MYH6: variants seen among roughly 807,000 people sequenced by gnomAD.
The protein encoded by MYH6 is myosin-6.
In MYH6, 126 loss-of-function variants were observed where a neutral mutation model predicts 223.2. The observed-to-expected ratio is 0.56, with a 90% CI of 0.49 to 0.65. MYH6 has a LOEUF of 0.65. Among genes scored for constraint, MYH6 ranks in the 30% least tolerant of loss-of-function variants. The probability of loss-of-function intolerance (pLI) is 0.00; values close to 1 mark genes in which losing one functional copy is unlikely to be tolerated. For synonymous variants in MYH6, 978 were observed against 1,010.2 expected (o/e 0.97, Z 0.61); for missense variants, 2,040 against 2,536.4 (o/e 0.80, Z 4.20).
At chr14:23,388,826 G>C (rs941847378) in intron 29 of MYH6, 33 bp downstream of exon 29, 5 of 1,613,776 alleles carry the variant, frequency 3.1e-6, no homozygotes, top group Non-Finnish European at 4.2e-6. Flanking sequence ...CTTCCTCTCT[G>C]AGAGTCAGGT....
intron 18 of MYH6, 39 bp downstream of exon 18, chr14:23,396,924 C>G: frequency 1.2e-6 from 2 of 1,612,458 alleles, no homozygotes; most frequent in Admixed American, 1.7e-5. Context: ...CAGCCTGGCT[C>G]CCCCTGTTCT....
chr14:23,405,527 C>G lies in MYH6; in HGVS notation c.345+100G>C. 1 of 1,598,760 alleles carries G rather than the reference C, an allele frequency of 6.3e-7. No homozygotes were observed. Among genetic ancestry groups the G allele is most frequent in the South Asian group, 1.1e-5 (1 of 90,124 alleles). On this transcript the variant is annotated intron_variant, in intron 4 of 38. Transcript: ENST00000405093. This position sits in a 1 kb window ranked among gnomAD's most constrained non-coding sequence, Gnocchi z 4.7. The stretch of plus-strand genomic sequence containing the variant: ...GTGGAGGGGGGAAGGGGACTTGGGT[C>G]CCTTGGGAGTCTCTCCCCCTCTTCT...
rs774419384 is a variant in MYH6 at position 23,396,976 on chromosome 14, C to T, written c.2155G>A (p.Asp719Asn). The change falls in exon 18 of 39, where the codon GAC becomes AAC. Residue 719 changes from aspartate to asparagine, a missense_variant. Asp to Asn is a conservative substitution (Grantham distance 23). Coordinates refer to ENST00000405093, the MANE Select transcript of MYH6 (RefSeq NM_002471.4). ...KGFPNRILYG[D>N]FRQRYRILNP... The stretch of plus-strand genomic sequence containing the variant: ...CCTCATACCCACCTCTGCCGGAAGT[C>T]CCCGTAGAGGATGCGGTTGGGGAAG... 5 of 1,613,044 alleles carry T rather than the reference C, an allele frequency of 3.1e-6. No individual in the cohort carries two copies. The highest frequency in any genetic ancestry group is 1.3e-5 in the African/African-American group (1 of 75,020).
intron 25 of MYH6, 30 bp from the exon 26 acceptor site, chr14:23,390,476 C>T: frequency 6.2e-7 from 1 of 1,607,732 alleles, no homozygotes. Flanking sequence ...CTCAGACCCA[C>T]CGCCTGGACC....
rs1595056756 is a variant in MYH6 at position 23,394,106 on chromosome 14, G to A, written c.2647C>T (p.Leu883=). Residue 883 remains leucine (L), a synonymous_variant, in exon 21 of 39, where the codon CTG becomes TTG. Coordinates refer to ENST00000405093, the MANE Select transcript of MYH6 (RefSeq NM_002471.4). ...AGCTGCAGGTCATTCTTCTCCTGCA[G>A]CAGGGACACCATCTTCTCCTCCAGC... ...KELEEKMVSL[L]QEKNDLQLQV... The A allele has an allele frequency of 6.2e-7, 1 of 1,614,202 alleles. No homozygotes were observed. The highest frequency in any genetic ancestry group is 1.7e-5 in the Admixed American group (1 of 60,020).
At position 23,403,740 on chromosome 14, in the gene MYH6, C is replaced by T; in HGVS notation, c.774G>A (p.Lys258=). ...AGGTCTCTATGTCTGCAGAAGCCAG[C>T]TTTCCAGTGGCCCCAAAGTGGATCC... ...FIRIHFGATG[K]LASADIETYL... The change falls in exon 9 of 39, where the codon AAG becomes AAA. Residue 258 remains lysine, a synonymous_variant. Coordinates refer to ENST00000405093, the MANE Select transcript of MYH6 (RefSeq NM_002471.4). 1.2e-6 allele frequency: 2 copies of T among 1,613,110 alleles called. No individual in the cohort carries two copies. Among genetic ancestry groups the T allele is most frequent in the Non-Finnish European group, 1.7e-6 (2 of 1,179,544 alleles).
Position 23,407,538 on chromosome 14 carries a change from GC to G in MYH6, c.-14+37del. The G allele has an allele frequency of 7.8e-7, 1 of 1,281,968 alleles. No individual in the cohort carries two copies. Among genetic ancestry groups the G allele is most frequent in the Non-Finnish European group, 1.0e-6 (1 of 1,002,734 alleles). 79.4% of individuals were successfully genotyped at this position (1,281,968 alleles called of 1,614,324 possible). ...GCAATCCGGCTCCCAGGAGAAGCATGCCCCAGTCTCTGCAGAGAAAATGGGG... is the reference window on the plus strand; with the variant it reads ...GCAATCCGGCTCCCAGGAGAAGCATGCCCAGTCTCTGCAGAGAAAATGGGG... On this transcript the variant is annotated intron_variant, in intron 2 of 38. Transcript: ENST00000405093. The surrounding 1 kb of genome is among the most constrained non-coding windows in gnomAD (Gnocchi z 5.6).
At chr14:23,389,816 AG>A in intron 26 of MYH6, 97 bp from the exon 27 acceptor site, 1 of 1,596,538 alleles carries the variant, frequency 6.3e-7, no homozygotes, top group South Asian at 1.1e-5. Context: ...AGAGGGCAGG[AG>A]GGGGACACAG....
At position 23,405,152 on chromosome 14, in the gene MYH6, A is replaced by C. The variant is rs760840516; in HGVS notation, c.503-25T>G. ...TCTGGAAGAAAAAAGAGGAGAAGCA[A>C]TGGGGTCAGGGCTGAGGATCTGGGT... On this transcript the variant is annotated intron_variant, in intron 5 of 38. Coordinates refer to ENST00000405093, the MANE Select transcript of MYH6 (RefSeq NM_002471.4). The surrounding 1 kb of genome is among the most constrained non-coding windows in gnomAD (Gnocchi z 4.7). The C allele has an allele frequency of 1.9e-6, 3 of 1,613,998 alleles. No homozygotes were observed. The South Asian group carries it at 3.3e-5, about 18-fold the overall frequency.
chr14:23,402,323 C>T (rs931356705), intron 12 of MYH6, 141 bp downstream of exon 12: 56 of 1,305,538 alleles, frequency 4.3e-5, no homozygotes, highest in African/African-American at 3.2e-4. Flanking sequence ...TGTCTGCCCA[C>T]GTCTCCCACG....
At chr14:23,392,745 A>C (rs1595055573) in intron 24 of MYH6, 93 bp from the exon 25 acceptor site, 7 of 1,445,454 alleles carry the variant, frequency 4.8e-6, no homozygotes, top group Non-Finnish European at 6.8e-6. Flanking sequence ...CAGAATCGGC[A>C]CCTCCCCCTC....
chr14:23,401,343 G>C (rs1213821148), intron 12 of MYH6, among the ~76,000 whole-genome samples: 1 of 152,212 alleles, frequency 6.6e-6, no homozygotes, highest in Non-Finnish European at 1.5e-5. Flanking sequence ...CTCCTTCCCT[G>C]TCCTGGGGCC....
chr14:23,395,749 T>G (rs1891372524), intron 20 of MYH6, among the ~76,000 whole-genome samples: 1 of 152,026 alleles, frequency 6.6e-6, no homozygotes, highest in Admixed American at 6.6e-5. Context: ...AGGATGGTTT[T>G]GATCTCCTGA....
rs74039316 is a variant in MYH6, at chr14:23,407,485, G to A, written c.-14+91C>T. On this transcript the variant is annotated intron_variant, in intron 2 of 38. Coordinates refer to ENST00000405093, the MANE Select transcript of MYH6 (RefSeq NM_002471.4). The surrounding 1 kb of genome is among the most constrained non-coding windows in gnomAD (Gnocchi z 5.6). ...GGAGTATGCTAAGGGTTGGCGCTGA[G>A]TGCTTGGGACAGCAGACCCCTGGTC... 9.8e-4 allele frequency: 1,289 copies of A among 1,312,758 alleles called. 10 individuals carry two copies. The African/African-American group carries it at 0.018, about 18-fold the overall frequency. 81.3% of individuals were successfully genotyped at this position (1,312,758 alleles called of 1,614,324 possible). A position where few individuals can be genotyped will look rare whatever the true frequency, so the allele number is the denominator to read the frequency against.
Position 23,403,743 on chromosome 14 carries a change from T to G in MYH6, c.771A>C (p.Gly257=). ...KFIRIHFGAT[G]KLASADIETY... is the part of the protein sequence containing the mutation. ...TCTCTATGTCTGCAGAAGCCAGCTTTCCAGTGGCCCCAAAGTGGATCCTAA... is the reference window on the plus strand; with the variant it reads ...TCTCTATGTCTGCAGAAGCCAGCTTGCCAGTGGCCCCAAAGTGGATCCTAA... Residue 257 remains glycine (G), a synonymous_variant, in exon 9 of 39, where the codon GGA becomes GGC. Coordinates refer to ENST00000405093, the MANE Select transcript of MYH6 (RefSeq NM_002471.4). 1 of 1,613,170 alleles carries G rather than the reference T, an allele frequency of 6.2e-7. No individual in the cohort carries two copies. Among genetic ancestry groups the G allele is most frequent in the Non-Finnish European group, 8.5e-7 (1 of 1,179,584 alleles).
Position 23,393,458 on chromosome 14 carries a change from C to G in MYH6, c.2989G>C (p.Glu997Gln), listed in dbSNP as rs764610385. Reference protein sequence around the residue: ...LDEIIAKLTKEKKALQEAHQQ... With the variant: ...LDEIIAKLTKQKKALQEAHQQ... Reference sequence around the variant, plus strand: ...TGGGCCTCTTGTAGAGCTTTCTTCTCCTTGGTCAGCTTAGCGATGATTTCA... The same window carrying G: ...TGGGCCTCTTGTAGAGCTTTCTTCTGCTTGGTCAGCTTAGCGATGATTTCA... Residue 997 changes from glutamate (E) to glutamine (Q), a missense_variant, in exon 23 of 39, where the codon GAG (glutamate) becomes CAG (glutamine). Glu to Gln is a conservative substitution (Grantham distance 29). Coordinates refer to ENST00000405093, the MANE Select transcript of MYH6 (RefSeq NM_002471.4). 6 of 1,614,172 alleles carry G rather than the reference C, an allele frequency of 3.7e-6. No homozygotes were observed. Among genetic ancestry groups the G allele is most frequent in the Non-Finnish European group, 5.1e-6 (6 of 1,180,024 alleles).
intron 19 of MYH6, 132 bp from the exon 20 acceptor site, chr14:23,396,552 A>C: frequency 6.4e-7 from 1 of 1,572,756 alleles, no homozygotes; most frequent in Non-Finnish European, 8.7e-7. Flanking sequence ...TTTGACAAAC[A>C]AGACCGGAAT....
intron 12 of MYH6, 99 bp from the exon 13 acceptor site, chr14:23,401,076 GGCTC>G: frequency 6.5e-7 from 1 of 1,533,982 alleles, no homozygotes. Flanking sequence ...GCACGATCTT[GGCTC>G]ACTACAGCCT....
chr14:23,402,744 C>A lies in MYH6; in HGVS notation c.955G>T (p.Val319Leu). Reference protein sequence around the residue: ...YDYAFVSQGEVSVASIDDSEE... With the variant: ...YDYAFVSQGELSVASIDDSEE... Reference sequence around the variant, plus strand: ...GAGTCATCAATGGAGGCCACGGACACCTCTCCCTGAGACACGAAGGCGTAG... The same window carrying A: ...GAGTCATCAATGGAGGCCACGGACAACTCTCCCTGAGACACGAAGGCGTAG... The change falls in exon 11 of 39, where the codon GTG (valine) becomes TTG (leucine). Residue 319 changes from valine (V) to leucine (L), a missense_variant. Val to Leu is a conservative substitution (Grantham distance 32). Coordinates refer to ENST00000405093, the MANE Select transcript of MYH6 (RefSeq NM_002471.4). 1 of 1,613,658 alleles carries A rather than the reference C, an allele frequency of 6.2e-7. No individual in the cohort carries two copies. The highest frequency in any genetic ancestry group is 8.5e-7 in the Non-Finnish European group (1 of 1,179,968).
Sources: allele counts gnomAD v4.1 joint callset (sites outside exome capture counted in the v4.1 genomes callset), GRCh38; gene constraint gnomAD v4.1.1; non-coding constraint Gnocchi (gnomAD v3.1); transcripts MANE v1.5; gene names NCBI Gene and HGNC (gene_info 2026-07-23, HGNC 2026-07-21).